The following CSMD1 variants were observed in gnomAD, a reference collection of about 807,000 sequenced individuals.
The protein encoded by CSMD1 is CUB and Sushi multiple domains 1.
A neutral mutation model predicts 417.5 loss-of-function variants in CSMD1; 213 were observed. The observed-to-expected ratio is 0.51, with a 90% CI of 0.46 to 0.57. CSMD1 has a LOEUF of 0.57. Among genes scored for constraint, CSMD1 ranks in the 20% least tolerant of loss-of-function variants. The pLI is 0.00. For synonymous variants in CSMD1, 2,862 were observed against 1,736.8 expected (o/e 1.65, Z -16.11); for missense variants, 6,923 against 4,529.7 (o/e 1.53, Z -15.17).
chr8:4,146,901 C>A (rs140750605), intron 3 of CSMD1, among the ~76,000 whole-genome samples: 1 of 144,386 alleles, frequency 6.9e-6, no homozygotes, highest in African/African-American at 2.9e-5. Flanking sequence ...GTGTGAGCCA[C>A]CGCACCGGCC....
intron 21 of CSMD1, among the ~76,000 whole-genome samples, 188 bp downstream of exon 21, chr8:3,358,964 A>G (rs1036682655): frequency 1.3e-5 from 2 of 152,098 alleles, no homozygotes; most frequent in African/African-American, 4.8e-5. Context: ...TACTTTATAG[A>G]TGAGCTAATT....
chr8:4,607,938 T>C (rs1380450357), intron 2 of CSMD1, among the ~76,000 whole-genome samples: 3 of 152,172 alleles, frequency 2.0e-5, no homozygotes, highest in Non-Finnish European at 4.4e-5. Context: ...GAGGTCTCAC[T>C]GACATCTGGC....
chr8:3,996,550 G>C (rs1378775573), intron 5 of CSMD1, among the ~76,000 whole-genome samples: 1 of 151,914 alleles, frequency 6.6e-6, no homozygotes, highest in Non-Finnish European at 1.5e-5. Flanking sequence ...CCACCTCTCG[G>C]CTCAGCTTTT....
At chr8:3,216,994 G>C (rs1310051918) in intron 29 of CSMD1, among the ~76,000 whole-genome samples, 1 of 152,164 alleles carries the variant, frequency 6.6e-6, no homozygotes, top group Non-Finnish European at 1.5e-5. Context: ...CACTGCTTGA[G>C]GCTGGATGCA....
chr8:3,744,795 G>T (rs1033161112), intron 6 of CSMD1, among the ~76,000 whole-genome samples: 1 of 145,676 alleles, frequency 6.9e-6, no homozygotes, highest in African/African-American at 2.4e-5. Context: ...TAGAATGAAT[G>T]ACATTCTTAT....
At chr8:3,176,242 G>C (rs889422003) in intron 37 of CSMD1, among the ~76,000 whole-genome samples, 1 of 152,086 alleles carries the variant, frequency 6.6e-6, no homozygotes. Flanking sequence ...TCTCTAAATG[G>C]AAAGCAATTC....
chr8:4,440,642 T>C (rs577392217), intron 2 of CSMD1, among the ~76,000 whole-genome samples: 17 of 152,256 alleles, frequency 1.1e-4, no homozygotes, highest in East Asian at 5.8e-4. Flanking sequence ...GGAAGAAAAA[T>C]TGATTGCATA....
chr8:3,966,179 C>T (rs374070776), intron 5 of CSMD1, among the ~76,000 whole-genome samples: 2 of 152,142 alleles, frequency 1.3e-5, no homozygotes, highest in South Asian at 4.1e-4. Flanking sequence ...GAGAAAATGT[C>T]TAAGGTACCA....
At chr8:3,322,038 C>T (rs556160486) in intron 23 of CSMD1, among the ~76,000 whole-genome samples, 8 of 152,192 alleles carry the variant, frequency 5.3e-5, no homozygotes, top group East Asian at 1.9e-4. Context: ...TGTGTGGTGA[C>T]GTATTTACAT....
chr8:4,730,645 A>G (rs570322250), intron 1 of CSMD1, among the ~76,000 whole-genome samples: 29 of 152,152 alleles, frequency 1.9e-4, no homozygotes, highest in South Asian at 8.3e-4. Context: ...GGAGGCTGAG[A>G]CAGGAGAATG....
chr8:4,044,748 A>G (rs535542484), intron 3 of CSMD1, among the ~76,000 whole-genome samples: 1 of 152,318 alleles, frequency 6.6e-6, no homozygotes, highest in East Asian at 1.9e-4. Flanking sequence ...CTGGGCATGT[A>G]CCACCCTGGC....
intron 3 of CSMD1, among the ~76,000 whole-genome samples, chr8:4,192,117 C>G (rs866603486): frequency 6.6e-6 from 1 of 152,116 alleles, no homozygotes; most frequent in Non-Finnish European, 1.5e-5. Flanking sequence ...GAAGGATCAT[C>G]TGCATTGCAA....
chr8:4,813,189 G>A (rs995503208), intron 1 of CSMD1, among the ~76,000 whole-genome samples: 1 of 152,116 alleles, frequency 6.6e-6, no homozygotes, highest in Non-Finnish European at 1.5e-5. Flanking sequence ...ACGAAATACT[G>A]CATGTTTTGG....
intron 4 of CSMD1, among the ~76,000 whole-genome samples, chr8:4,017,151 G>A (rs1027935460): frequency 3.3e-5 from 5 of 152,126 alleles, no homozygotes; most frequent in East Asian, 1.9e-4. Context: ...ATCTACCCCT[G>A]CAATACACTT....
At chr8:3,182,948 A>AG (rs1382308539) in intron 36 of CSMD1, 1 of 136,866 alleles carries the variant, frequency 7.3e-6, no homozygotes, top group East Asian at 2.2e-4. Flanking sequence ...TTAGTAGAGA[A>AG]GGGGTTTCAC....
chr8:3,779,859 G>C (rs571977479), intron 5 of CSMD1, among the ~76,000 whole-genome samples: 2 of 152,314 alleles, frequency 1.3e-5, no homozygotes, highest in African/African-American at 2.4e-5. Flanking sequence ...AGGTGTTCTT[G>C]AATATTTTGA....
chr8:3,187,357 G>C (rs773048602), intron 36 of CSMD1, among the ~76,000 whole-genome samples: 1 of 152,126 alleles, frequency 6.6e-6, no homozygotes, highest in Non-Finnish European at 1.5e-5. Context: ...GAGCAGACTC[G>C]TCAAGGCGGG....
rs138027036 is a variant in CSMD1, at chr8:3,383,781, C to T, written c.2782+3713G>A. On this transcript the variant is annotated intron_variant, in intron 18 of 69. Coordinates refer to ENST00000635120, the MANE Select transcript of CSMD1 (RefSeq NM_033225.6). Reference sequence around the variant, plus strand: ...AAGAGATGCTTTATAAGAGATGATACATCAATGTCCAATAAATATACAAAA... The same window carrying T: ...AAGAGATGCTTTATAAGAGATGATATATCAATGTCCAATAAATATACAAAA... Among the ~76,000 whole-genome samples the T allele has an allele frequency of 3.2e-3, 484 of 152,130 alleles. 1 individual carries two copies. Among genetic ancestry groups the T allele is most frequent in the African/African-American group, 0.011 (463 of 41,506 alleles).
intron 3 of CSMD1, among the ~76,000 whole-genome samples, chr8:4,408,373 T>G (rs560854761): frequency 6.6e-6 from 1 of 152,250 alleles, no homozygotes; most frequent in East Asian, 1.9e-4. Flanking sequence ...TCCTCTACTG[T>G]CAAAAAAGAG....
Sources: gnomAD v4.1 joint callset for allele counts (sites outside exome capture counted in the v4.1 genomes callset) on GRCh38, gnomAD v4.1.1 for gene constraint, MANE v1.5 for transcripts, NCBI Gene and HGNC (gene_info 2026-07-23, HGNC 2026-07-21) for gene names.